The following CWF19L2 variants were observed in gnomAD, a reference collection of about 807,000 sequenced individuals.
CWF19L2 encodes CWF19 like cell cycle control factor 2.
CWF19L2 carries 98 observed loss-of-function variants against 111.7 expected under a neutral mutation model. That is an observed-to-expected ratio of 0.88 (90% CI 0.75 to 1.04). The LOEUF (loss-of-function observed/expected upper bound fraction) is 1.04, where lower values mean the gene tolerates loss of function less well. CWF19L2 is among the 50% of genes least tolerant of loss of function. The pLI, the probability that CWF19L2 is intolerant of heterozygous loss-of-function variation, is 0.00. For synonymous variants in CWF19L2, 351 were observed against 342.9 expected, an observed-to-expected ratio of 1.02 and a Z score of -0.26; for missense variants, 1,101 against 1,051.4, an observed-to-expected ratio of 1.05 and a Z score of -0.65.
intron 3 of CWF19L2, among the ~76,000 whole-genome samples, chr11:107,445,636 A>C (rs1247421136): frequency 6.6e-6 from 1 of 150,752 alleles, no homozygotes; most frequent in Non-Finnish European, 1.5e-5. Context: ...GCCCTAGATC[A>C]GATCTTATCT....
Position 107,428,808 on chromosome 11 carries a change from G to A in CWF19L2, c.1424C>T (p.Thr475Ile), listed in dbSNP as rs868771282. 1 of 1,602,590 alleles carries A rather than the reference G, an allele frequency of 6.2e-7. No homozygotes were observed. Among genetic ancestry groups the A allele is most frequent in the Non-Finnish European group, 8.5e-7 (1 of 1,176,030 alleles). ...AAAAATGATAAAATACCCAGCAAAT[G>A]TAGACTTTGTATCCCGTAGATGTTC... is the stretch of plus-strand genomic sequence containing the variant. ...KKEHLRDTKS[T>I]FAGSPERESI... The change falls in exon 8 of 18, where the codon ACA becomes ATA. Residue 475 changes from threonine to isoleucine, a missense_variant. Coordinates refer to ENST00000282251, the MANE Select transcript of CWF19L2 (RefSeq NM_152434.3).
chr11:107,421,181 C>T (rs937152509), intron 8 of CWF19L2, among the ~76,000 whole-genome samples: 9 of 151,862 alleles, frequency 5.9e-5, no homozygotes, highest in African/African-American at 1.9e-4. Flanking sequence ...AACTAAATAG[C>T]GCAACTGTAA....
chr11:107,362,875 G>A (rs1055095516), intron 12 of CWF19L2, among the ~76,000 whole-genome samples: 22 of 152,068 alleles, frequency 1.4e-4, no homozygotes, highest in East Asian at 5.8e-4. Flanking sequence ...AAATTACTCC[G>A]ACCTACGGGA....
At chr11:107,408,169 G>A (rs753295567) in intron 10 of CWF19L2, among the ~76,000 whole-genome samples, 3 of 151,922 alleles carry the variant, frequency 2.0e-5, no homozygotes, top group Non-Finnish European at 2.9e-5. Context: ...TTGAAGGACC[G>A]TCAAAGGACT....
At chr11:107,424,553 C>G (rs1861348401) in intron 8 of CWF19L2, among the ~76,000 whole-genome samples, 1 of 151,530 alleles carries the variant, frequency 6.6e-6, no homozygotes, top group Non-Finnish European at 1.5e-5. Context: ...CCCCTCACTT[C>G]CCAGGATAAA....
chr11:107,440,943 T>C (rs182846548), intron 5 of CWF19L2, among the ~76,000 whole-genome samples: 1 of 152,136 alleles, frequency 6.6e-6, no homozygotes, highest in Admixed American at 6.6e-5. Context: ...AAAAGAAACA[T>C]ATGCTCCTGG....
intron 11 of CWF19L2, among the ~76,000 whole-genome samples, chr11:107,390,990 T>TTCCTGCCCTCAAACATCAGAC (rs1565265249): frequency 6.6e-6 from 1 of 152,160 alleles, no homozygotes; most frequent in Non-Finnish European, 1.5e-5. Flanking sequence ...TGCTGGATGC[T>TTCCTGCCCTCAAACATCAGAC]TCCTGCCCTC....
intron 14 of CWF19L2, among the ~76,000 whole-genome samples, chr11:107,342,476 TTC>T (rs1227244173): frequency 6.6e-6 from 1 of 152,128 alleles, no homozygotes; most frequent in Non-Finnish European, 1.5e-5. Context: ...TTGATTATCT[TTC>T]TGTTATTAAT....
At chr11:107,360,742 G>A (rs1860315797) in intron 12 of CWF19L2, among the ~76,000 whole-genome samples, 1 of 152,312 alleles carries the variant, frequency 6.6e-6, no homozygotes, top group South Asian at 2.1e-4. Context: ...GATTAGCGAT[G>A]TTGAACATTT....
intron 6 of CWF19L2, among the ~76,000 whole-genome samples, chr11:107,436,902 A>G (rs1861548556): frequency 6.6e-6 from 1 of 152,168 alleles, no homozygotes; most frequent in Admixed American, 6.5e-5. Flanking sequence ...TGTCCTTTAC[A>G]TGGTTGCCAA....
chr11:107,414,023 C>T (rs1435357832), intron 10 of CWF19L2, among the ~76,000 whole-genome samples: 2 of 152,126 alleles, frequency 1.3e-5, no homozygotes, highest in Non-Finnish European at 2.9e-5. Context: ...TACATCCTTG[C>T]CCTGCACTTA....
At chr11:107,355,929 G>A (rs971830888) in intron 12 of CWF19L2, among the ~76,000 whole-genome samples, 2 of 151,886 alleles carry the variant, frequency 1.3e-5, no homozygotes, top group Non-Finnish European at 2.9e-5. Context: ...CAAAATATAC[G>A]TTCTTCTCAA....
At chr11:107,337,818 T>C (rs776931766) in intron 14 of CWF19L2, among the ~76,000 whole-genome samples, 2 of 152,212 alleles carry the variant, frequency 1.3e-5, no homozygotes, top group Non-Finnish European at 2.9e-5. Flanking sequence ...ATTTGTCAGC[T>C]TGATTTATAA....
chr11:107,388,783 T>A (rs186980217), intron 12 of CWF19L2, among the ~76,000 whole-genome samples: 1 of 152,338 alleles, frequency 6.6e-6, no homozygotes, highest in Admixed American at 6.5e-5. Flanking sequence ...TCAGACTTCA[T>A]ATACAGAGGT....
chr11:107,361,219 C>A (rs551903868), intron 12 of CWF19L2, among the ~76,000 whole-genome samples: 1 of 152,164 alleles, frequency 6.6e-6, no homozygotes, highest in East Asian at 1.9e-4. Flanking sequence ...GTATCTTTTC[C>A]CCGGTGTATG....
At chr11:107,380,505 G>A (rs1860669600) in intron 12 of CWF19L2, among the ~76,000 whole-genome samples, 1 of 152,018 alleles carries the variant, frequency 6.6e-6, no homozygotes, top group South Asian at 2.1e-4. Flanking sequence ...ACTGGGACCT[G>A]ATCACAACTG....
intron 4 of CWF19L2, 116 bp downstream of exon 4, chr11:107,442,823 A>T: frequency 4.7e-6 from 2 of 422,694 alleles, no homozygotes; most frequent in East Asian, 3.7e-5. Flanking sequence ...AGGGAGGGGG[A>T]GGGAGGGAGA....
rs187524163 is a variant in CWF19L2 at position 107,355,130 on chromosome 11, A to C, written c.1873-1394T>G. 4.6e-5 allele frequency among the ~76,000 whole-genome samples: 7 copies of C among 152,282 alleles called. No individual in the cohort carries two copies. The East Asian group carries it at 1.4e-3, about 29-fold the overall frequency. Reference sequence around the variant, plus strand: ...ATTAAAGTACTAAGTATTAAAAACAAAACAGGCCAGGCGCGGTGGCTCACA... The same window carrying C: ...ATTAAAGTACTAAGTATTAAAAACACAACAGGCCAGGCGCGGTGGCTCACA... On this transcript the variant is annotated intron_variant, in intron 12 of 17. Transcript: ENST00000282251.
intron 14 of CWF19L2, among the ~76,000 whole-genome samples, chr11:107,340,085 T>G (rs1859984698): frequency 6.6e-6 from 1 of 152,210 alleles, no homozygotes; most frequent in Non-Finnish European, 1.5e-5. Context: ...TTCTCCTAGT[T>G]TATAATTTGT....
Sources: allele counts gnomAD v4.1 joint callset (sites outside exome capture counted in the v4.1 genomes callset), GRCh38; gene constraint gnomAD v4.1.1; transcripts MANE v1.5; gene names NCBI Gene and HGNC (gene_info 2026-07-23, HGNC 2026-07-21).